Variants in TSPAN2 observed in about 807,000 individuals in gnomAD.
TSPAN2 encodes tetraspanin-2.
TSPAN2 carries 24 observed loss-of-function variants against 33.3 expected under a neutral mutation model. That is an observed-to-expected ratio of 0.72 (90% CI 0.52 to 1.01). The LOEUF is 1.01. TSPAN2 is among the 50% of genes least tolerant of loss of function. The pLI is 0.00. For missense variants in TSPAN2, 278 were observed against 281.3 expected (o/e 0.99, Z 0.08); for synonymous variants, 114 against 104.5 (o/e 1.09, Z -0.56).
At chr1:115,088,203 T>C (rs775642383) in intron 1 of TSPAN2, among the ~76,000 whole-genome samples, 16 of 152,182 alleles carry the variant, frequency 1.1e-4, no homozygotes, top group Non-Finnish European at 1.6e-4. Context: ...GTTGCTGAAG[T>C]CACCCAGGCA....
chr1:115,086,704 A>ATCCATG (rs2101051767), intron 1 of TSPAN2, among the ~76,000 whole-genome samples: 1 of 152,316 alleles, frequency 6.6e-6, no homozygotes, highest in South Asian at 2.1e-4. Flanking sequence ...GTTGTTCCAT[A>ATCCATG]TCCACTGGTC....
chr1:115,082,353 T>C (rs548916110), intron 1 of TSPAN2, among the ~76,000 whole-genome samples: 3 of 152,320 alleles, frequency 2.0e-5, no homozygotes, highest in Non-Finnish European at 2.9e-5. Flanking sequence ...GGGACACACA[T>C]AGAGACACAG....
chr1:115,050,770 A>G (rs1415289499), intron 7 of TSPAN2, among the ~76,000 whole-genome samples: 1 of 152,248 alleles, frequency 6.6e-6, no homozygotes, highest in African/African-American at 2.4e-5. Flanking sequence ...GTTAACAAGT[A>G]ACAAGGCTCT....
intron 1 of TSPAN2, among the ~76,000 whole-genome samples, chr1:115,083,085 T>G (rs1254439277): frequency 2.0e-5 from 3 of 152,246 alleles, no homozygotes; most frequent in Non-Finnish European, 4.4e-5. Context: ...TTAATTCATC[T>G]GTAAGATGTG....
rs1675237063 is a variant in TSPAN2, at chr1:115,048,951, T to C, written c.*1539A>G. ...GGAGAGAGACTATTTCAAGCAGTCA[T>C]ATCTTTTTAGCAAAATGTTTTGTGA... On this transcript the variant is annotated 3_prime_UTR_variant, in exon 8 of 8. Transcript: ENST00000369516. 6.6e-6 allele frequency: 1 copy of C among 152,148 alleles called. No homozygotes were observed. The highest frequency in any genetic ancestry group is 1.5e-5 in the Non-Finnish European group (1 of 67,978). 9.4% of individuals were successfully genotyped at this position (152,148 alleles called of 1,614,324 possible).
rs189108452 is a variant in TSPAN2 at position 115,078,336 on chromosome 1, C to T, written c.70-5329G>A. ...TATTGCTGTTTCCCAAACATAATCC[C>T]CTCTGCCCTGCAGAGTGGGCTCCCA... On this transcript the variant is annotated intron_variant, in intron 1 of 7. Transcript: ENST00000369516. Among the ~76,000 whole-genome samples, 26 of 152,292 alleles carry T rather than the reference C, an allele frequency of 1.7e-4. No homozygotes were observed. The East Asian group carries it at 4.6e-3, about 27-fold the overall frequency.
chr1:115,067,929 A>G (rs1433227925), intron 2 of TSPAN2, among the ~76,000 whole-genome samples: 1 of 152,200 alleles, frequency 6.6e-6, no homozygotes, highest in Non-Finnish European at 1.5e-5. Context: ...TGTAACAGGA[A>G]GTCAGATGGG....
At chr1:115,079,145 A>C (rs1408337744) in intron 1 of TSPAN2, among the ~76,000 whole-genome samples, 41 of 99,254 alleles carry the variant, frequency 4.1e-4, no homozygotes, top group African/African-American at 1.2e-3. Flanking sequence ...CGCCACACAC[A>C]CACACACACA....
intron 2 of TSPAN2, among the ~76,000 whole-genome samples, chr1:115,063,934 T>C (rs1647836353): frequency 6.6e-6 from 1 of 152,104 alleles, no homozygotes; most frequent in Admixed American, 6.5e-5. Flanking sequence ...AAACTAACTA[T>C]TGGATACTAT....
At chr1:115,070,467 C>T (rs898476825) in intron 2 of TSPAN2, among the ~76,000 whole-genome samples, 3 of 151,736 alleles carry the variant, frequency 2.0e-5, no homozygotes, top group Non-Finnish European at 2.9e-5. Flanking sequence ...ACCCTACCCC[C>T]GGCCCCAAAT....
At chr1:115,081,929 T>C (rs1393727533) in intron 1 of TSPAN2, among the ~76,000 whole-genome samples, 2 of 152,272 alleles carry the variant, frequency 1.3e-5, no homozygotes, top group East Asian at 3.8e-4. Flanking sequence ...CTAAATCTTC[T>C]ATACTAGAAA....
intron 1 of TSPAN2, among the ~76,000 whole-genome samples, chr1:115,087,712 C>A (rs1648898421): frequency 1.3e-5 from 2 of 151,872 alleles, no homozygotes; most frequent in East Asian, 1.9e-4. Flanking sequence ...CCAATTTGAG[C>A]CTGTTTCCTC....
intron 1 of TSPAN2, among the ~76,000 whole-genome samples, chr1:115,078,627 G>A (rs944095468): frequency 1.3e-5 from 2 of 152,138 alleles, no homozygotes; most frequent in African/African-American, 4.8e-5. Context: ...GAAGGTAGCT[G>A]TCCACAAGCC....
chr1:115,056,214 A>G (rs1005427513), intron 6 of TSPAN2, among the ~76,000 whole-genome samples: 3 of 152,230 alleles, frequency 2.0e-5, no homozygotes, highest in African/African-American at 7.2e-5. Flanking sequence ...TTGATTTTAA[A>G]TATTACTTTT....
At chr1:115,086,980 C>T (rs1013981734) in intron 1 of TSPAN2, among the ~76,000 whole-genome samples, 8 of 152,030 alleles carry the variant, frequency 5.3e-5, no homozygotes, top group African/African-American at 1.4e-4. Flanking sequence ...TGCAATGTGG[C>T]ACCATCTCAG....
rs1648334605 is a variant in TSPAN2 at position 115,074,731 on chromosome 1, A to G, written c.70-1724T>C. ...TTTAAAAATACATTTTTAAAGTGTT[A>G]CACGGTAGTTTCTATGTGCAATCCA... On this transcript the variant is annotated intron_variant, in intron 1 of 7. Transcript: ENST00000369516. Among the ~76,000 whole-genome samples the G allele has an allele frequency of 2.0e-5, 3 of 152,280 alleles. No individual in the cohort carries two copies. The South Asian group carries it at 6.2e-4, about 32-fold the overall frequency.
At chr1:115,076,579 G>A (rs1488390872) in intron 1 of TSPAN2, among the ~76,000 whole-genome samples, 1 of 152,184 alleles carries the variant, frequency 6.6e-6, no homozygotes, top group Non-Finnish European at 1.5e-5. Flanking sequence ...ACTTTGCTGA[G>A]GGCTGCCCTG....
chr1:115,050,440 T>C lies in TSPAN2; in HGVS notation c.*50A>G, dbSNP rs765403371. ...AAAATGAGCTGGGAGACAGCTCCTG[T>C]GACATTTGGTATGAAAGCTTTAGAT... On this transcript the variant is annotated 3_prime_UTR_variant, in exon 8 of 8. Coordinates refer to ENST00000369516, the MANE Select transcript of TSPAN2 (RefSeq NM_005725.6). 3 of 1,511,784 alleles carry C rather than the reference T, an allele frequency of 2.0e-6. No homozygotes were observed. The highest frequency in any genetic ancestry group is 2.8e-6 in the Non-Finnish European group (3 of 1,087,310). 93.6% of individuals were successfully genotyped at this position (1,511,784 alleles called of 1,614,324 possible).
chr1:115,080,616 T>C (rs1008242352), intron 1 of TSPAN2, among the ~76,000 whole-genome samples: 5 of 152,186 alleles, frequency 3.3e-5, no homozygotes, highest in Admixed American at 6.5e-5. Flanking sequence ...TGAAATGTCA[T>C]AGACTACTGG....
Sources: gnomAD v4.1 joint callset for allele counts (sites outside exome capture counted in the v4.1 genomes callset) on GRCh38, gnomAD v4.1.1 for gene constraint, MANE v1.5 for transcripts, NCBI Gene and HGNC (gene_info 2026-07-23, HGNC 2026-07-21) for gene names.